TRPM7: variants seen among roughly 807,000 people sequenced by gnomAD.
TRPM7 encodes the protein LTRPC ion channel family member 7.
A neutral mutation model predicts 229.7 loss-of-function variants in TRPM7; 134 were observed. The observed-to-expected ratio is 0.58, with a 90% CI of 0.51 to 0.67. The LOEUF (loss-of-function observed/expected upper bound fraction) is 0.67, where lower values mean the gene tolerates loss of function less well. Ranked by LOEUF, TRPM7 falls within the 30% of genes least tolerant of loss-of-function variation. TRPM7 has a pLI of 0.00. For synonymous variants in TRPM7, 699 were observed against 715.2 expected (o/e 0.98, Z 0.36); for missense variants, 1,901 against 2,210.0 (o/e 0.86, Z 2.80).
chr15:50,635,016 T>C (rs1032128204), intron 7 of TRPM7, among the ~76,000 whole-genome samples: 3 of 152,104 alleles, frequency 2.0e-5, no homozygotes, highest in African/African-American at 7.2e-5. Context: ...GACATTAAAA[T>C]AGAAATTAAT....
intron 12 of TRPM7, among the ~76,000 whole-genome samples, chr15:50,622,379 G>C (rs190335947): frequency 1.1e-4 from 17 of 152,268 alleles, no homozygotes; most frequent in Admixed American, 3.3e-4. Context: ...AGTAACTACA[G>C]TATTATCTTA....
intron 28 of TRPM7, among the ~76,000 whole-genome samples, chr15:50,584,086 T>A (rs1464197371): frequency 6.6e-6 from 1 of 152,182 alleles, no homozygotes; most frequent in Admixed American, 6.5e-5. Flanking sequence ...ATCTTATTTA[T>A]CCGAAATGAA....
In TRPM7 at chr15:50,628,634, C is replaced by T. The variant is rs559437954; in HGVS notation, c.1205-385G>A. On this transcript the variant is annotated intron_variant, in intron 10 of 38. Coordinates refer to ENST00000646667, the MANE Select transcript of TRPM7 (RefSeq NM_017672.6). ...ACACTTATGACATCTCCCCACCATT[C>T]TTTAGTTAACTTACACAGCTGGTGT... 1.1e-4 allele frequency among the ~76,000 whole-genome samples: 17 copies of T among 152,276 alleles called. No homozygotes were observed. In the South Asian group the frequency reaches 3.1e-3, roughly 28 times the overall value.
At chr15:50,618,632 T>TTA (rs1567021086) in intron 13 of TRPM7, among the ~76,000 whole-genome samples, 1 of 151,614 alleles carries the variant, frequency 6.6e-6, no homozygotes, top group Non-Finnish European at 1.5e-5. Flanking sequence ...TTAAAATGAT[T>TTA]TATATATATT....
intron 19 of TRPM7, among the ~76,000 whole-genome samples, 186 bp downstream of exon 19, chr15:50,609,395 T>C (rs1282997438): frequency 6.6e-6 from 1 of 152,156 alleles, no homozygotes; most frequent in Non-Finnish European, 1.5e-5. Context: ...GAACTAAAAT[T>C]TGTTAGTGTT....
intron 1 of TRPM7, among the ~76,000 whole-genome samples, chr15:50,677,427 A>T (rs115726075): frequency 0.014 from 2,105 of 151,974 alleles, 44 homozygotes; most frequent in African/African-American, 0.049. Flanking sequence ...ACACACACAC[A>T]CACAGAGCAC....
At chr15:50,574,170 G>T in intron 36 of TRPM7, 104 bp downstream of exon 36, 1 of 908,624 alleles carries the variant, frequency 1.1e-6, no homozygotes, top group Non-Finnish European at 1.7e-6. Flanking sequence ...GCTTCTATTG[G>T]CCTAAGATTT....
At chr15:50,634,684 A>C in intron 7 of TRPM7, 128 bp from the exon 8 acceptor site, 1 of 682,822 alleles carries the variant, frequency 1.5e-6, no homozygotes, top group Non-Finnish European at 2.2e-6. Flanking sequence ...AAAAGTAAAA[A>C]CATAATTTCT....
In TRPM7 at chr15:50,673,295, T is replaced by C. The variant is rs181566613; in HGVS notation, c.4-10249A>G. ...GTTTTTTACTTATTTCCATAGGTTA[T>C]TGGAAACAGGTAGTGTTTAGTTACA... is the stretch of plus-strand genomic sequence containing the variant. On this transcript the variant is annotated intron_variant, in intron 1 of 38. Transcript: ENST00000646667. Among the ~76,000 whole-genome samples the C allele has an allele frequency of 7.9e-5, 12 of 152,264 alleles. No individual in the cohort carries two copies. In the East Asian group the frequency reaches 1.5e-3, roughly 20 times the overall value.
intron 7 of TRPM7, among the ~76,000 whole-genome samples, chr15:50,637,207 C>T (rs2060934745): frequency 6.6e-6 from 1 of 151,854 alleles, no homozygotes; most frequent in Non-Finnish European, 1.5e-5. Context: ...TCCAATGAAC[C>T]TTTTTTGGTT....
intron 8 of TRPM7, 110 bp from the exon 9 acceptor site, chr15:50,633,102 T>C: frequency 1.1e-6 from 1 of 910,726 alleles, no homozygotes; most frequent in Non-Finnish European, 1.5e-6. Context: ...GGATTAATAT[T>C]ACATACTTCA....
Position 50,575,857 on chromosome 15 carries a change from A to C in TRPM7, c.4669+12T>G, listed in dbSNP as rs762350068. On this transcript the variant is annotated intron_variant, in intron 32 of 38. Coordinates refer to ENST00000646667, the MANE Select transcript of TRPM7 (RefSeq NM_017672.6). The stretch of plus-strand genomic sequence containing the variant: ...CAAAATGCTATTAAATTTTGTTTTT[A>C]ATATTACTGACCTGAATAATAGTAA... 17 of 1,612,536 alleles carry C rather than the reference A, an allele frequency of 1.1e-5. 1 individual carries two copies. In the Admixed American group the frequency reaches 2.8e-4, roughly 27 times the overall value.
rs1444547780 is a variant in TRPM7, at chr15:50,559,876, G to C, written c.*1802C>G. 3.3e-5 allele frequency: 5 copies of C among 152,006 alleles called. No individual in the cohort carries two copies. The highest frequency in any genetic ancestry group is 1.2e-4 in the African/African-American group (5 of 41,388). The allele number at this position is 152,006 out of a possible 1,614,324, so 9.4% of individuals were successfully genotyped here. On this transcript the variant is annotated 3_prime_UTR_variant, in exon 39 of 39. Coordinates refer to ENST00000646667, the MANE Select transcript of TRPM7 (RefSeq NM_017672.6). The stretch of plus-strand genomic sequence containing the variant: ...AAAAATATAAAAATTAGCTGGGCAT[G>C]GTGGCGTGTGCCTGTAGTCCCAGCT...
At chr15:50,595,740 T>C (rs1053398950) in intron 23 of TRPM7, among the ~76,000 whole-genome samples, 22 of 152,094 alleles carry the variant, frequency 1.4e-4, no homozygotes, top group Non-Finnish European at 3.2e-4. Context: ...GGTGCACACC[T>C]GTAATCCCAG....
At chr15:50,650,393 G>A (rs2061390463) in intron 3 of TRPM7, among the ~76,000 whole-genome samples, 2 of 151,526 alleles carry the variant, frequency 1.3e-5, no homozygotes, top group Non-Finnish European at 2.9e-5. Flanking sequence ...AAATTAGAAG[G>A]ACTAAATTAG....
At position 50,569,990 on chromosome 15, in the gene TRPM7, G is replaced by C. The variant is rs1341308422; in HGVS notation, c.5364C>G (p.Ser1788=). The C allele has an allele frequency of 1.2e-6, 2 of 1,606,548 alleles. No homozygotes were observed. Among genetic ancestry groups the C allele is most frequent in the Non-Finnish European group, 1.7e-6 (2 of 1,176,940 alleles). Residue 1788 remains serine (S), a synonymous_variant, in exon 38 of 39, where the codon TCC becomes TCG. Coordinates refer to ENST00000646667, the MANE Select transcript of TRPM7 (RefSeq NM_017672.6). Reference sequence around the variant, plus strand: ...TTGCTGGGCCAAAAACCATATCACAGGATCTGTAGAATTGGTAATTTTAAA... The same window carrying C: ...TTGCTGGGCCAAAAACCATATCACACGATCTGTAGAATTGGTAATTTTAAA... ...PSVIKAEEKR[S]CDMVFGPANL...
chr15:50,604,808 T>A, intron 21 of TRPM7, 58 bp downstream of exon 21: 1 of 1,450,706 alleles, frequency 6.9e-7, no homozygotes, highest in Non-Finnish European at 9.3e-7. Flanking sequence ...ATAACATTTT[T>A]GTGATTTTTT....
At chr15:50,662,529 T>A (rs749026664) in intron 2 of TRPM7, among the ~76,000 whole-genome samples, 11 of 152,186 alleles carry the variant, frequency 7.2e-5, no homozygotes, top group Non-Finnish European at 1.2e-4. Context: ...ATCTATATAT[T>A]GGCAAACAAA....
At chr15:50,633,529 C>T (rs1419872066) in intron 8 of TRPM7, among the ~76,000 whole-genome samples, 2 of 152,182 alleles carry the variant, frequency 1.3e-5, no homozygotes, top group African/African-American at 4.8e-5. Flanking sequence ...TCTGCATATA[C>T]AAATAATTAT....
Sources: allele counts gnomAD v4.1 joint callset (sites outside exome capture counted in the v4.1 genomes callset), GRCh38; gene constraint gnomAD v4.1.1; transcripts MANE v1.5; gene names NCBI Gene and HGNC (gene_info 2026-07-23, HGNC 2026-07-21).